Variants in TANC2 observed in about 807,000 individuals in gnomAD.
TANC2 encodes the protein tetratricopeptide repeat, ankyrin repeat and coiled-coil containing 2.
In TANC2, 26 loss-of-function variants were observed where a neutral mutation model predicts 210.5. That is an observed-to-expected ratio of 0.12 (90% CI 0.09 to 0.17). The LOEUF (loss-of-function observed/expected upper bound fraction) is 0.17. Among genes scored for constraint, TANC2 ranks in the 10% least tolerant of loss-of-function variants. TANC2 has a pLI of 1.00. For missense variants in TANC2, 2,129 were observed against 2,608.9 expected, an observed-to-expected ratio of 0.82 and a Z score of 4.01; for synonymous variants, 931 against 967.1, an observed-to-expected ratio of 0.96 and a Z score of 0.69.
chr17:63,048,900 A>T (rs2035478316), intron 2 of TANC2, among the ~76,000 whole-genome samples: 1 of 152,208 alleles, frequency 6.6e-6, no homozygotes. Flanking sequence ...AACCCCTGTG[A>T]TACAAGTTTA....
chr17:63,162,116 G>T (rs1267724264), intron 5 of TANC2, among the ~76,000 whole-genome samples: 1 of 152,008 alleles, frequency 6.6e-6, no homozygotes, highest in Non-Finnish European at 1.5e-5. Context: ...ACCAGTGTGG[G>T]CAATATAGCA....
At chr17:63,381,726 A>G (rs1393542258) in intron 15 of TANC2, among the ~76,000 whole-genome samples, 1 of 152,216 alleles carries the variant, frequency 6.6e-6, no homozygotes, top group Non-Finnish European at 1.5e-5. Flanking sequence ...AGCCACAGCT[A>G]AAGATCCCTA....
chr17:63,080,338 G>A (rs973434048), intron 3 of TANC2, among the ~76,000 whole-genome samples: 4 of 152,032 alleles, frequency 2.6e-5, no homozygotes, highest in Admixed American at 6.6e-5. Flanking sequence ...AACTTACTTG[G>A]TTCTAGACAT....
chr17:63,353,787 G>C (rs2046695332), intron 13 of TANC2, among the ~76,000 whole-genome samples: 1 of 152,102 alleles, frequency 6.6e-6, no homozygotes, highest in African/African-American at 2.4e-5. Flanking sequence ...CAAAAAAAGT[G>C]CATTGAGGTG....
At chr17:63,200,865 C>A in exon 7 of TANC2, 3 of 1,613,852 alleles carry the variant, frequency 1.9e-6, no homozygotes, top group Non-Finnish European at 2.5e-6. Context: ...ACACTCCCAC[C>A]CATCAGTACA....
intron 5 of TANC2, among the ~76,000 whole-genome samples, chr17:63,162,020 G>T (rs2040044283): frequency 6.6e-6 from 1 of 152,146 alleles, no homozygotes. Flanking sequence ...AAATTTGATT[G>T]CAGGCTGGGC....
At chr17:63,350,698 A>G (rs528810817) in intron 12 of TANC2, among the ~76,000 whole-genome samples, 1 of 151,848 alleles carries the variant, frequency 6.6e-6, no homozygotes, top group East Asian at 1.9e-4. Flanking sequence ...ACCTGGTTCA[A>G]CTCTGTCTAA....
At chr17:63,104,729 G>A (rs2037760137) in intron 4 of TANC2, among the ~76,000 whole-genome samples, 1 of 152,082 alleles carries the variant, frequency 6.6e-6, no homozygotes, top group African/African-American at 2.4e-5. Context: ...ACTCTTACTC[G>A]GAAGTGGGAG....
intron 2 of TANC2, among the ~76,000 whole-genome samples, chr17:63,046,749 C>G (rs1454813177): frequency 6.6e-6 from 1 of 152,066 alleles, no homozygotes; most frequent in Non-Finnish European, 1.5e-5. Context: ...CTTTAAAAAA[C>G]ATTTATGCAT....
At chr17:63,099,153 T>C (rs781608766) in intron 3 of TANC2, 22 bp from the exon 4 acceptor site, 2 of 1,608,392 alleles carry the variant, frequency 1.2e-6, no homozygotes, top group East Asian at 4.5e-5. Flanking sequence ...ACCAGCTCTT[T>C]TGTTCCATCC....
chr17:63,069,631 A>G (rs1462083055), intron 2 of TANC2, among the ~76,000 whole-genome samples: 3 of 152,228 alleles, frequency 2.0e-5, no homozygotes, highest in African/African-American at 4.8e-5. Context: ...ATTTGTATGT[A>G]CATGAGTATA....
At chr17:63,392,666 A>G (rs947593382) in intron 17 of TANC2, among the ~76,000 whole-genome samples, 8 of 152,222 alleles carry the variant, frequency 5.3e-5, no homozygotes, top group African/African-American at 1.9e-4. Flanking sequence ...TAGACTTTCA[A>G]AGATACTGCA....
At chr17:63,379,193 A>G (rs959549194) in intron 14 of TANC2, among the ~76,000 whole-genome samples, 3 of 152,190 alleles carry the variant, frequency 2.0e-5, no homozygotes, top group Non-Finnish European at 4.4e-5. Flanking sequence ...GTGTAAGCCA[A>G]CTATAACTGA....
At chr17:63,129,553 A>C (rs1378908617) in intron 4 of TANC2, among the ~76,000 whole-genome samples, 2 of 152,072 alleles carry the variant, frequency 1.3e-5, no homozygotes, top group African/African-American at 2.4e-5. Context: ...CCCCATCTCT[A>C]CTAAAAATAC....
chr17:63,028,678 T>C (rs1466842269), intron 2 of TANC2, among the ~76,000 whole-genome samples: 1 of 152,120 alleles, frequency 6.6e-6, no homozygotes, highest in Non-Finnish European at 1.5e-5. Context: ...AAAGTCAGAG[T>C]GCCCTTCTTG....
rs191276774 is a variant in TANC2, at chr17:63,147,625, T to C, written c.323-3645T>C. ...TTATCTGGGGTGAGGCCTGATCATT[T>C]GCATTTCTGACAAATTCCCAGGTGA... On this transcript the variant is annotated intron_variant, in intron 4 of 27. Transcript: ENST00000689528. 1.9e-3 allele frequency among the ~76,000 whole-genome samples: 295 copies of C among 152,330 alleles called. 1 individual carries two copies. The highest frequency in any genetic ancestry group is 6.8e-3 in the Middle Eastern group (2 of 294).
intron 15 of TANC2, chr17:63,381,194 G>C (rs72841393): frequency 6.6e-6 from 1 of 152,248 alleles, no homozygotes; most frequent in South Asian, 2.1e-4. Context: ...TTCATTTGAC[G>C]AAGTATTTTA....
chr17:63,375,002 C>A (rs1231097988), intron 14 of TANC2, among the ~76,000 whole-genome samples: 1 of 151,556 alleles, frequency 6.6e-6, no homozygotes, highest in Non-Finnish European at 1.5e-5. Flanking sequence ...GAGTAACTGG[C>A]AATATTTAAA....
At chr17:63,090,454 C>T (rs1004367220) in intron 3 of TANC2, among the ~76,000 whole-genome samples, 7 of 151,694 alleles carry the variant, frequency 4.6e-5, no homozygotes, top group East Asian at 1.9e-4. Flanking sequence ...TGAGTGAGAA[C>T]GTGTGGTATT....
Sources: gnomAD v4.1 joint callset for allele counts (sites outside exome capture counted in the v4.1 genomes callset) on GRCh38, gnomAD v4.1.1 for gene constraint, MANE v1.5 for transcripts, NCBI Gene and HGNC (gene_info 2026-07-23, HGNC 2026-07-21) for gene names.